The following SMARCC1 variants were observed in gnomAD, a reference collection of about 807,000 sequenced individuals.
SMARCC1 encodes the protein SWI/SNF complex subunit SMARCC1.
In SMARCC1, 43 loss-of-function variants were observed where a neutral mutation model predicts 147.4. That is an observed-to-expected ratio of 0.29 (90% CI 0.23 to 0.38). The LOEUF is 0.38. SMARCC1 is among the 10% of genes least tolerant of loss of function. SMARCC1 has a pLI of 1.00. For synonymous variants in SMARCC1, 495 were observed against 484.4 expected, an observed-to-expected ratio of 1.02 and a Z score of -0.29; for missense variants, 1,119 against 1,381.1, an observed-to-expected ratio of 0.81 and a Z score of 3.01.
At chr3:47,635,506 G>A (rs1206923100) in intron 23 of SMARCC1, among the ~76,000 whole-genome samples, 162 bp from the exon 24 acceptor site, 2 of 152,018 alleles carry the variant, frequency 1.3e-5, no homozygotes, top group African/African-American at 4.8e-5. Flanking sequence ...ATGCATTTAG[G>A]TTTGCCTCTA....
chr3:47,780,166 T>C (rs1369690953), intron 1 of SMARCC1, among the ~76,000 whole-genome samples: 5 of 115,922 alleles, frequency 4.3e-5, no homozygotes, highest in Admixed American at 4.0e-4. Flanking sequence ...TGGTTTTTTT[T>C]TGTTTTTTTT....
At chr3:47,741,731 G>A (rs1272951453) in intron 3 of SMARCC1, among the ~76,000 whole-genome samples, 3 of 151,750 alleles carry the variant, frequency 2.0e-5, no homozygotes, top group African/African-American at 7.3e-5. Context: ...TTGCCTCCAG[G>A]ATATCTATTT....
chr3:47,678,795 C>A (rs991036415), intron 15 of SMARCC1, among the ~76,000 whole-genome samples: 15 of 152,210 alleles, frequency 9.9e-5, no homozygotes, highest in Non-Finnish European at 1.5e-5. Flanking sequence ...TATGTCCTAG[C>A]CACAGGGTTG....
At chr3:47,739,888 G>C (rs73831531) in intron 3 of SMARCC1, among the ~76,000 whole-genome samples, 60 of 152,146 alleles carry the variant, frequency 3.9e-4, no homozygotes, top group African/African-American at 1.4e-3. Flanking sequence ...TCATGTTGTT[G>C]TTGTTTTAAA....
intron 26 of SMARCC1, among the ~76,000 whole-genome samples, chr3:47,599,647 C>G (rs1352321300): frequency 6.6e-6 from 1 of 152,144 alleles, no homozygotes; most frequent in Non-Finnish European, 1.5e-5. Context: ...AGTGTGCACC[C>G]CTGACAATCA....
intron 24 of SMARCC1, among the ~76,000 whole-genome samples, chr3:47,625,246 G>A (rs1246809851): frequency 1.3e-5 from 2 of 151,234 alleles, no homozygotes; most frequent in Non-Finnish European, 2.9e-5. Context: ...GATCACTTGA[G>A]GCCAGGAGTT....
chr3:47,750,482 T>C (rs2034617142), intron 2 of SMARCC1, among the ~76,000 whole-genome samples: 1 of 152,142 alleles, frequency 6.6e-6, no homozygotes, highest in Non-Finnish European at 1.5e-5. Flanking sequence ...TAGGTGGGTA[T>C]CTACTACAGT....
chr3:47,660,451 A>G (rs1559637553), intron 21 of SMARCC1, among the ~76,000 whole-genome samples: 3 of 150,456 alleles, frequency 2.0e-5, no homozygotes, highest in Admixed American at 1.3e-4. Flanking sequence ...GTCTAAAAAA[A>G]AAAAAAAAAA....
Position 47,761,904 on chromosome 3 carries a change from G to A in SMARCC1, c.315+10913C>T, listed in dbSNP as rs2034778718. Reference sequence around the variant, plus strand: ...GCTCACTGCAACCTCTGCCTCTCAGGTTCAAGCTATTCTCCTGCCTCAGCC... The same window carrying A: ...GCTCACTGCAACCTCTGCCTCTCAGATTCAAGCTATTCTCCTGCCTCAGCC... On this transcript the variant is annotated intron_variant, in intron 2 of 27. Transcript: ENST00000254480. Among the ~76,000 whole-genome samples the A allele has an allele frequency of 4.6e-5, 7 of 152,226 alleles. No individual in the cohort carries two copies. The South Asian group carries it at 1.2e-3, about 27-fold the overall frequency.
chr3:47,609,268 G>A (rs1445828759), intron 26 of SMARCC1, among the ~76,000 whole-genome samples: 1 of 152,204 alleles, frequency 6.6e-6, no homozygotes, highest in Non-Finnish European at 1.5e-5. Flanking sequence ...AGGCTGAGGT[G>A]GGCGGATCAC....
intron 11 of SMARCC1, among the ~76,000 whole-genome samples, chr3:47,699,549 T>C (rs1181516135): frequency 6.6e-6 from 1 of 152,058 alleles, no homozygotes; most frequent in African/African-American, 2.4e-5. Flanking sequence ...CATATATACA[T>C]CCAGTGCCCA....
intron 2 of SMARCC1, among the ~76,000 whole-genome samples, chr3:47,760,296 A>G (rs931382992): frequency 6.6e-6 from 1 of 152,172 alleles, no homozygotes; most frequent in East Asian, 1.9e-4. Context: ...TGGGCAACAG[A>G]GAAAGGCTGT....
In SMARCC1 at chr3:47,661,399, T is replaced by C. The variant is rs1287968314; in HGVS notation, c.2215A>G (p.Lys739Glu). The change falls in exon 21 of 28, where the codon AAG becomes GAG. Residue 739 changes from lysine (K) to glutamate (E), a missense_variant. By Grantham distance (56) the Lys-to-Glu change is moderately conservative (BLOSUM62 1). Transcript: ENST00000254480. Reference protein sequence around the residue: ...VPLELVEAHVKKVQEAARASG... With the variant: ...VPLELVEAHVEKVQEAARASG... ...GCTCGTGCTGCTTCTTGTACTTTCT[T>C]GACATGAGCTTCAACCAATTCCAGT... 6.2e-7 allele frequency: 1 copy of C among 1,613,766 alleles called. No homozygotes were observed. The highest frequency in any genetic ancestry group is 8.5e-7 in the Non-Finnish European group (1 of 1,179,912).
chr3:47,636,159 G>C (rs1559631161), intron 22 of SMARCC1, 23 bp from the exon 23 acceptor site: 2 of 1,343,570 alleles, frequency 1.5e-6, no homozygotes, highest in Admixed American at 1.8e-5. Flanking sequence ...TAAAACAAGA[G>C]GACAGGCAGT....
At chr3:47,703,380 CTTGTT>C (rs979340471) in intron 10 of SMARCC1, among the ~76,000 whole-genome samples, 15 of 152,152 alleles carry the variant, frequency 9.9e-5, no homozygotes, top group African/African-American at 1.9e-4. Context: ...GAAGCACTGT[CTTGTT>C]TTAATTATTA....
chr3:47,677,780 C>T lies in SMARCC1; in HGVS notation c.1571+418G>A, dbSNP rs988088407. Among the ~76,000 whole-genome samples the T allele has an allele frequency of 4.6e-5, 7 of 151,992 alleles. No homozygotes were observed. In the South Asian group the frequency reaches 8.3e-4, roughly 18 times the overall value. On this transcript the variant is annotated intron_variant, in intron 16 of 27. Transcript: ENST00000254480. ...CTCGAACTCCTGACCTCAGGTGATCCGCCCATCTTGGCTTCTTGAAGTGCT... is the reference window on the plus strand; with the variant it reads ...CTCGAACTCCTGACCTCAGGTGATCTGCCCATCTTGGCTTCTTGAAGTGCT...
chr3:47,692,675 T>C lies in SMARCC1; in HGVS notation c.1225+566A>G, dbSNP rs562294804. On this transcript the variant is annotated intron_variant, in intron 12 of 27. Coordinates refer to ENST00000254480, the MANE Select transcript of SMARCC1 (RefSeq NM_003074.4). ...GTAGCAAACCAAATCATAATGGCAC[T>C]AAGAATAAGCCACAGCTAATATCCT... 1.8e-4 allele frequency among the ~76,000 whole-genome samples: 27 copies of C among 152,166 alleles called. No individual in the cohort carries two copies. The South Asian group carries it at 5.4e-3, about 30-fold the overall frequency.
intron 21 of SMARCC1, among the ~76,000 whole-genome samples, chr3:47,650,035 G>C (rs1346146354): frequency 6.6e-6 from 1 of 152,066 alleles, no homozygotes; most frequent in Non-Finnish European, 1.5e-5. Context: ...CCAGCACTTT[G>C]GGAGGCCGAG....
At chr3:47,715,516 T>C (rs1472709119) in intron 7 of SMARCC1, among the ~76,000 whole-genome samples, 2 of 152,198 alleles carry the variant, frequency 1.3e-5, no homozygotes, top group African/African-American at 4.8e-5. Flanking sequence ...ATCTAATTCT[T>C]ACCCCTCCAC....
Sources: allele counts gnomAD v4.1 joint callset (sites outside exome capture counted in the v4.1 genomes callset), GRCh38; gene constraint gnomAD v4.1.1; transcripts MANE v1.5; gene names NCBI Gene and HGNC (gene_info 2026-07-23, HGNC 2026-07-21).